The following ERBB4 variants were observed in gnomAD, a reference collection of about 807,000 sequenced individuals.
ERBB4 encodes receptor tyrosine-protein kinase erbB-4.
A neutral mutation model predicts 158.0 loss-of-function variants in ERBB4; 42 were observed. That is an observed-to-expected ratio of 0.27 (90% CI 0.21 to 0.34). ERBB4 has a LOEUF of 0.34. Among genes scored for constraint, ERBB4 ranks in the 10% least tolerant of loss-of-function variants. The probability of loss-of-function intolerance (pLI) is 1.00; values close to 1 mark genes in which losing one functional copy is unlikely to be tolerated. For missense variants in ERBB4, 1,333 were observed against 1,624.1 expected, an observed-to-expected ratio of 0.82 and a Z score of 3.08; for synonymous variants, 583 against 558.7, an observed-to-expected ratio of 1.04 and a Z score of -0.61.
Position 211,772,808 on chromosome 2 carries a change from G to GATAT in ERBB4, c.556+15213_556+15216dup, listed in dbSNP as rs761544601. Among the ~76,000 whole-genome samples the GATAT allele has an allele frequency of 7.2e-4, 27 of 37,746 alleles. 1 individual carries two copies. The highest frequency in any genetic ancestry group is 1.0e-3 in the Non-Finnish European group (23 of 22,570). The allele number at this position is 37,746 out of a possible 152,430, so 24.8% of individuals were successfully genotyped here. A position where few individuals can be genotyped will look rare whatever the true frequency, so the allele number is the denominator to read the frequency against. ...CTACAGGTATACTTCACCATACTGG[G>GATAT]ATATATATATATATATATATATATA... is the stretch of plus-strand genomic sequence containing the variant. On this transcript the variant is annotated intron_variant, in intron 4 of 27. Transcript: ENST00000342788.
At chr2:212,335,623 T>A (rs2088399913) in intron 1 of ERBB4, among the ~76,000 whole-genome samples, 2 of 151,924 alleles carry the variant, frequency 1.3e-5, no homozygotes, top group African/African-American at 2.4e-5. Context: ...ACAAGAAAAA[T>A]TTTACTTAAC....
At chr2:212,322,526 T>C (rs1340444421) in intron 1 of ERBB4, among the ~76,000 whole-genome samples, 2 of 150,788 alleles carry the variant, frequency 1.3e-5, no homozygotes, top group African/African-American at 4.8e-5. Flanking sequence ...TGAATGCGTA[T>C]ACATTTTAGA....
chr2:212,537,302 G>A (rs1693141995), intron 1 of ERBB4, among the ~76,000 whole-genome samples: 1 of 151,986 alleles, frequency 6.6e-6, no homozygotes, highest in Non-Finnish European at 1.5e-5. Flanking sequence ...GATGGTTTCG[G>A]AAATCTCTCT....
intron 1 of ERBB4, among the ~76,000 whole-genome samples, chr2:212,404,563 T>C (rs974408700): frequency 5.1e-4 from 78 of 152,002 alleles, no homozygotes; most frequent in African/African-American, 1.9e-3. Flanking sequence ...ACAGAACATG[T>C]GAGTTATGGC....
intron 12 of ERBB4, among the ~76,000 whole-genome samples, chr2:211,690,129 T>A (rs1015264864): frequency 1.3e-5 from 2 of 150,784 alleles, no homozygotes; most frequent in Non-Finnish European, 3.0e-5. Flanking sequence ...ATATAGAATA[T>A]AGCAGTTGTC....
At chr2:212,459,475 C>T (rs1309136338) in intron 1 of ERBB4, among the ~76,000 whole-genome samples, 1 of 151,782 alleles carries the variant, frequency 6.6e-6, no homozygotes, top group Non-Finnish European at 1.5e-5. Flanking sequence ...AAAGACATAC[C>T]ATATTCATGA....
rs1559459834 is a variant in ERBB4 at position 211,724,014 on chromosome 2, C to T, written c.741+1062G>A. ...CATGCAAAACTTCTAAGAGTTTTTG[C>T]TATTGCTGTTTATTGTTGTTATTGT... On this transcript the variant is annotated intron_variant, in intron 6 of 27. Transcript: ENST00000342788. Among the ~76,000 whole-genome samples the T allele has an allele frequency of 3.9e-5, 6 of 152,090 alleles. No homozygotes were observed. In the South Asian group the frequency reaches 1.2e-3, roughly 32 times the overall value.
intron 1 of ERBB4, among the ~76,000 whole-genome samples, chr2:212,450,932 C>T (rs534794034): frequency 3.6e-4 from 54 of 151,748 alleles, no homozygotes; most frequent in Non-Finnish European, 5.4e-4. Flanking sequence ...TTGAGACCAG[C>T]CTGGGCAACA....
chr2:211,421,025 A>G (rs2063503624), intron 24 of ERBB4, among the ~76,000 whole-genome samples: 1 of 151,952 alleles, frequency 6.6e-6, no homozygotes. Context: ...TATCAGGACC[A>G]TAGGGTCTAT....
chr2:211,839,253 A>T (rs901508282), intron 3 of ERBB4, among the ~76,000 whole-genome samples: 3 of 151,672 alleles, frequency 2.0e-5, no homozygotes, highest in Non-Finnish European at 4.4e-5. Flanking sequence ...AAAGAAAAGA[A>T]AGAAAGAAAG....
chr2:211,503,844 C>G (rs2065677150), intron 20 of ERBB4, among the ~76,000 whole-genome samples: 1 of 152,092 alleles, frequency 6.6e-6, no homozygotes, highest in African/African-American at 2.4e-5. Flanking sequence ...GGGAGGAACC[C>G]TCAGACCCCT....
At chr2:212,046,869 A>C (rs1017291185) in intron 2 of ERBB4, among the ~76,000 whole-genome samples, 1 of 152,192 alleles carries the variant, frequency 6.6e-6, no homozygotes, top group Non-Finnish European at 1.5e-5. Context: ...AAAGTATACA[A>C]GATTTGCTTT....
chr2:211,684,464 A>AAAAAG (rs369624752), intron 12 of ERBB4, among the ~76,000 whole-genome samples: 10 of 152,274 alleles, frequency 6.6e-5, no homozygotes, highest in East Asian at 1.9e-4. Flanking sequence ...AATAAAATAA[A>AAAAAG]AAAAGAAAAG....
intron 1 of ERBB4, among the ~76,000 whole-genome samples, chr2:212,241,352 A>G (rs2084098070): frequency 6.6e-6 from 1 of 152,212 alleles, no homozygotes; most frequent in Non-Finnish European, 1.5e-5. Context: ...TTTATACTAC[A>G]TCTTTATATA....
chr2:211,955,121 C>T (rs765925072), intron 2 of ERBB4, among the ~76,000 whole-genome samples: 6 of 151,978 alleles, frequency 3.9e-5, no homozygotes, highest in South Asian at 2.1e-4. Flanking sequence ...TTACATACTG[C>T]GTGAAATAAT....
chr2:212,013,380 T>C (rs912882395), intron 2 of ERBB4, among the ~76,000 whole-genome samples: 3 of 152,180 alleles, frequency 2.0e-5, no homozygotes, highest in African/African-American at 7.2e-5. Flanking sequence ...GAGAGCTTGA[T>C]GATAAGGTAG....
chr2:212,074,835 T>C (rs538698819), intron 2 of ERBB4, among the ~76,000 whole-genome samples: 2 of 151,988 alleles, frequency 1.3e-5, no homozygotes, highest in Non-Finnish European at 2.9e-5. Flanking sequence ...AGTTTGGGAA[T>C]TCTTGTCCTA....
Position 211,912,362 on chromosome 2 carries a change from C to T in ERBB4, c.421+35068G>A, listed in dbSNP as rs376035945. 8.6e-5 allele frequency among the ~76,000 whole-genome samples: 13 copies of T among 151,666 alleles called. No individual in the cohort carries two copies. The South Asian group carries it at 2.7e-3, about 32-fold the overall frequency. On this transcript the variant is annotated intron_variant, in intron 3 of 27. Transcript: ENST00000342788. ...GTCCTGAGATTTTTTTTTTACCTTC[C>T]AAGAGTAAATTTCAAATGTTCTCAT...
chr2:212,370,132 A>T (rs1382199420), intron 1 of ERBB4, among the ~76,000 whole-genome samples: 1 of 152,082 alleles, frequency 6.6e-6, no homozygotes, highest in African/African-American at 2.4e-5. Flanking sequence ...GAGATAATTG[A>T]ATCATGGGGG....
Sources: allele counts gnomAD v4.1 joint callset (sites outside exome capture counted in the v4.1 genomes callset), GRCh38; gene constraint gnomAD v4.1.1; transcripts MANE v1.5; gene names NCBI Gene and HGNC (gene_info 2026-07-23, HGNC 2026-07-21).